Variants in PPP3CA observed in about 807,000 individuals in gnomAD.
The protein encoded by PPP3CA is CAM-PRP catalytic subunit.
Under a neutral mutation model 66.5 loss-of-function variants are expected in PPP3CA, and 14 were observed. That is an observed-to-expected ratio of 0.21 (90% CI 0.14 to 0.33). PPP3CA has a LOEUF of 0.33. Among genes scored for constraint, PPP3CA ranks in the 10% least tolerant of loss-of-function variants. The pLI, the probability that PPP3CA is intolerant of heterozygous loss-of-function variation, is 1.00. For missense variants in PPP3CA, 317 were observed against 639.5 expected, an observed-to-expected ratio of 0.50 and a Z score of 5.44; for synonymous variants, 232 against 226.2, an observed-to-expected ratio of 1.03 and a Z score of -0.23.
At chr4:101,040,935 A>G (rs1727489903) in intron 10 of PPP3CA, among the ~76,000 whole-genome samples, 1 of 152,178 alleles carries the variant, frequency 6.6e-6, no homozygotes, top group Admixed American at 6.5e-5. Flanking sequence ...AGAGTTAAGT[A>G]CCTTATCACC....
chr4:101,215,300 C>G (rs1341963509), intron 1 of PPP3CA, among the ~76,000 whole-genome samples: 1 of 151,956 alleles, frequency 6.6e-6, no homozygotes, highest in Non-Finnish European at 1.5e-5. Flanking sequence ...AAAAACTATT[C>G]AGCTAGCCAA....
At position 101,250,371 on chromosome 4, in the gene PPP3CA, C is replaced by A. The variant is rs539298793; in HGVS notation, c.59-54255G>T. On this transcript the variant is annotated intron_variant, in intron 1 of 13. Transcript: ENST00000394854. ...CATATCCTCATACCCTTAGTTTCAA[C>A]ATCTGTAAAAAGGACATAATAATGA... is the stretch of plus-strand genomic sequence containing the variant. 2.6e-4 allele frequency: 118 copies of A among 456,126 alleles called. No individual in the cohort carries two copies. In the East Asian group the frequency reaches 8.0e-3, roughly 31 times the overall value. 28.3% of individuals were successfully genotyped at this position (456,126 alleles called of 1,614,324 possible). A position where few individuals can be genotyped will look rare whatever the true frequency, so the allele number is the denominator to read the frequency against.
chr4:101,309,587 T>C (rs540285768), intron 1 of PPP3CA, among the ~76,000 whole-genome samples: 1 of 152,128 alleles, frequency 6.6e-6, no homozygotes, highest in Admixed American at 6.5e-5. Context: ...TGGAACACTA[T>C]AAAGAAAGAT....
chr4:101,116,567 G>A (rs1046820713), intron 2 of PPP3CA, among the ~76,000 whole-genome samples: 9 of 151,816 alleles, frequency 5.9e-5, no homozygotes, highest in African/African-American at 1.2e-4. Flanking sequence ...GGAACCATAA[G>A]TGGATGGTAA....
rs1224608320 is a variant in PPP3CA, at chr4:101,202,822, GT to G, written c.59-6707del. 4.6e-5 allele frequency among the ~76,000 whole-genome samples: 7 copies of G among 152,106 alleles called. No individual in the cohort carries two copies. In the South Asian group the frequency reaches 6.2e-4, roughly 14 times the overall value. On this transcript the variant is annotated intron_variant, in intron 1 of 13. Coordinates refer to ENST00000394854, the MANE Select transcript of PPP3CA (RefSeq NM_000944.5). The stretch of plus-strand genomic sequence containing the variant: ...AAAACACAACTTAGTAATTTACTGG[GT>G]TTTTTTCCTGCTGCTATGATGACTT...
intron 2 of PPP3CA, among the ~76,000 whole-genome samples, chr4:101,167,523 C>T (rs938264514): frequency 1.3e-5 from 2 of 152,074 alleles, no homozygotes; most frequent in African/African-American, 4.8e-5. Flanking sequence ...ACATCTCTCC[C>T]CTCCTTCAGT....
At position 101,113,435 on chromosome 4, in the gene PPP3CA, C is replaced by T. The variant is rs540347364; in HGVS notation, c.260-4357G>A. On this transcript the variant is annotated intron_variant, in intron 2 of 13. Coordinates refer to ENST00000394854, the MANE Select transcript of PPP3CA (RefSeq NM_000944.5). ...GAGGAGATGAACACTGGAAAGGCAACCTCTTTCATTGCTCATTCTAGGTTG... is the reference window on the plus strand; with the variant it reads ...GAGGAGATGAACACTGGAAAGGCAATCTCTTTCATTGCTCATTCTAGGTTG... 5.3e-5 allele frequency among the ~76,000 whole-genome samples: 8 copies of T among 152,198 alleles called. No homozygotes were observed. In the South Asian group the frequency reaches 1.2e-3, roughly 24 times the overall value.
chr4:101,097,953 T>C (rs1050804218), intron 5 of PPP3CA, among the ~76,000 whole-genome samples: 4 of 152,174 alleles, frequency 2.6e-5, no homozygotes, highest in Non-Finnish European at 1.5e-5. Context: ...TTGTAACAAA[T>C]AGATTTTTAA....
intron 1 of PPP3CA, among the ~76,000 whole-genome samples, chr4:101,315,768 C>G (rs1051319687): frequency 6.6e-6 from 1 of 152,182 alleles, no homozygotes; most frequent in South Asian, 2.1e-4. Context: ...TTGGACTACT[C>G]CATGCAGGCA....
intron 1 of PPP3CA, among the ~76,000 whole-genome samples, chr4:101,303,200 T>A (rs74740109): frequency 6.6e-6 from 1 of 152,158 alleles, no homozygotes; most frequent in Admixed American, 6.5e-5. Context: ...CATTTCAAAA[T>A]AGCATGTTTC....
intron 1 of PPP3CA, among the ~76,000 whole-genome samples, chr4:101,236,827 G>A (rs1000376801): frequency 6.6e-6 from 1 of 151,616 alleles, no homozygotes; most frequent in African/African-American, 2.4e-5. Context: ...CAGGGAGAAT[G>A]GGCAATTTCA....
Position 101,040,581 on chromosome 4 carries a change from A to G in PPP3CA, c.1157-15T>C, listed in dbSNP as rs1727470851. 6.2e-7 allele frequency: 1 copy of G among 1,601,224 alleles called. No individual in the cohort carries two copies. Among genetic ancestry groups the G allele is most frequent in the Non-Finnish European group, 8.5e-7 (1 of 1,171,028 alleles). On this transcript the variant is annotated splice_polypyrimidine_tract_variant and intron_variant, in intron 10 of 13. Transcript: ENST00000394854. ...AGCTGTTGCACCTGTATTTTCAAAC[A>G]GAGTTCAGTGGTCAGTAATTTTTTA...
chr4:101,193,508 C>T (rs1389342681), intron 2 of PPP3CA, among the ~76,000 whole-genome samples: 1 of 152,068 alleles, frequency 6.6e-6, no homozygotes, highest in Non-Finnish European at 1.5e-5. Flanking sequence ...CCTCATGGCC[C>T]CCTTGTCTGG....
At chr4:101,113,730 G>T (rs1721752249) in intron 2 of PPP3CA, among the ~76,000 whole-genome samples, 1 of 152,054 alleles carries the variant, frequency 6.6e-6, no homozygotes, top group Non-Finnish European at 1.5e-5. Flanking sequence ...GATGGAGGCT[G>T]GGCCCATGAC....
At chr4:101,266,900 T>G in intron 1 of PPP3CA, among the ~76,000 whole-genome samples, 1 of 152,344 alleles carries the variant, frequency 6.6e-6, no homozygotes, top group African/African-American at 2.4e-5. Context: ...CTCTCTCATA[T>G]AGAGAATGTG....
rs3974660 is a variant in PPP3CA at position 101,346,877 on chromosome 4, A to ACGC, written c.-84_-82dup. Reference sequence around the variant, plus strand: ...ACCGGACCGGCGGGCCAGACACTCAACGCCGCCGCCGCCGCCGCCGCCGCC... The same window carrying ACGC: ...ACCGGACCGGCGGGCCAGACACTCAACGCCGCCGCCGCCGCCGCCGCCGCCGCC... On this transcript the variant is annotated 5_prime_UTR_variant, in exon 1 of 14. Transcript: ENST00000394854. 25,653 of 1,267,142 alleles carry ACGC rather than the reference A, an allele frequency of 0.02. 2,799 individuals carry two copies. The African/African-American group carries it at 0.32, about 16-fold the overall frequency. The allele number at this position is 1,267,142 out of a possible 1,614,324, so 78.5% of individuals were successfully genotyped here. A position where few individuals can be genotyped will look rare whatever the true frequency, so the allele number is the denominator to read the frequency against.
chr4:101,158,926 C>T (rs974893532), intron 2 of PPP3CA, among the ~76,000 whole-genome samples: 7 of 152,238 alleles, frequency 4.6e-5, no homozygotes, highest in East Asian at 3.9e-4. Context: ...ACAGTAGTGA[C>T]GATACTCCAT....
chr4:101,182,057 A>C (rs899603507), intron 2 of PPP3CA, among the ~76,000 whole-genome samples: 2 of 152,140 alleles, frequency 1.3e-5, no homozygotes, highest in African/African-American at 4.8e-5. Flanking sequence ...AAAAATTGGA[A>C]AGCAGCCTTA....
At chr4:101,033,448 C>T (rs904289974) in intron 11 of PPP3CA, among the ~76,000 whole-genome samples, 2 of 152,130 alleles carry the variant, frequency 1.3e-5, no homozygotes, top group African/African-American at 4.8e-5. Flanking sequence ...AATCTGTCTT[C>T]AACTCAGAAA....
Sources: allele counts gnomAD v4.1 joint callset (sites outside exome capture counted in the v4.1 genomes callset), GRCh38; gene constraint gnomAD v4.1.1; transcripts MANE v1.5; gene names NCBI Gene and HGNC (gene_info 2026-07-23, HGNC 2026-07-21).